Variants in TMCC3 observed in about 807,000 individuals in gnomAD.
TMCC3 encodes the protein transmembrane and coiled-coil domain family 3, also known as transmembrane and coiled-coil domain protein 3.
Under a neutral mutation model 40.2 loss-of-function variants are expected in TMCC3, and 28 were observed. That is an observed-to-expected ratio of 0.70 (90% CI 0.52 to 0.95). The LOEUF (loss-of-function observed/expected upper bound fraction) is 0.95. Ranked by LOEUF, TMCC3 falls within the 40% of genes least tolerant of loss-of-function variation. TMCC3 has a pLI of 0.00. For missense variants in TMCC3, 554 were observed against 615.2 expected (o/e 0.90, Z 1.05); for synonymous variants, 255 against 248.5 (o/e 1.03, Z -0.25).
rs372318077 is a variant in TMCC3, at chr12:94,622,355, A to ATCAGTTCC, written c.78+27990_78+27997dup. On this transcript the variant is annotated intron_variant, in intron 1 of 3. Coordinates refer to ENST00000261226, the MANE Select transcript of TMCC3 (RefSeq NM_020698.4). ...CACGATCTCACAACATACAGCTATA[A>ATCAGTTCC]TCAGTTCCACAAAGAATATGTTATA... 8.8e-3 allele frequency among the ~76,000 whole-genome samples: 1,347 copies of ATCAGTTCC among 152,296 alleles called. 22 individuals carry two copies. Among genetic ancestry groups the ATCAGTTCC allele is most frequent in the African/African-American group, 0.03 (1,233 of 41,566 alleles).
intron 1 of TMCC3, among the ~76,000 whole-genome samples, chr12:94,606,392 A>C (rs1303644569): frequency 7.0e-6 from 1 of 143,170 alleles, no homozygotes; most frequent in Non-Finnish European, 1.5e-5. Flanking sequence ...TTTTTGAGAC[A>C]ATCTCGCTCT....
chr12:94,601,784 G>A (rs1395077688), intron 1 of TMCC3, among the ~76,000 whole-genome samples: 3 of 137,254 alleles, frequency 2.2e-5, no homozygotes, highest in African/African-American at 8.3e-5. Flanking sequence ...ACTCCAGCCT[G>A]GGTGACAGAG....
At chr12:94,575,091 T>C (rs1200365168) in intron 3 of TMCC3, among the ~76,000 whole-genome samples, 1 of 152,152 alleles carries the variant, frequency 6.6e-6, no homozygotes, top group East Asian at 1.9e-4. Context: ...CATTTCTAAC[T>C]GGGAATTCAG....
intron 2 of TMCC3, among the ~76,000 whole-genome samples, chr12:94,580,649 C>T (rs936792657): frequency 1.3e-5 from 2 of 152,070 alleles, no homozygotes; most frequent in Non-Finnish European, 2.9e-5. Context: ...GCAGGAGGAT[C>T]GCTTGAAACC....
intron 1 of TMCC3, chr12:94,616,541 G>C (rs984240914): frequency 6.6e-6 from 1 of 152,376 alleles, no homozygotes; most frequent in African/African-American, 2.4e-5. Context: ...CAGGCGCAGC[G>C]AGGCGTGCTG....
chr12:94,592,314 A>G (rs2068681427), intron 1 of TMCC3, among the ~76,000 whole-genome samples: 1 of 151,966 alleles, frequency 6.6e-6, no homozygotes, highest in South Asian at 2.1e-4. Context: ...CTCTCTTGGC[A>G]TCACTGACAA....
intron 1 of TMCC3, among the ~76,000 whole-genome samples, chr12:94,600,031 A>G (rs530719488): frequency 6.6e-6 from 1 of 152,306 alleles, no homozygotes; most frequent in African/African-American, 2.4e-5. Context: ...CTCTAAAAAA[A>G]GGAGTGGTGG....
chr12:94,594,578 T>C (rs1417895605), intron 1 of TMCC3, among the ~76,000 whole-genome samples: 1 of 152,060 alleles, frequency 6.6e-6, no homozygotes, highest in Non-Finnish European at 1.5e-5. Flanking sequence ...GCAGTGTCTG[T>C]CAGTAAAACC....
chr12:94,575,176 G>A (rs2068556313), intron 3 of TMCC3, among the ~76,000 whole-genome samples: 1 of 152,108 alleles, frequency 6.6e-6, no homozygotes, highest in Non-Finnish European at 1.5e-5. Context: ...CCCTGTCTCT[G>A]GCAGCCCATT....
chr12:94,580,847 T>C (rs1216874176), intron 2 of TMCC3, among the ~76,000 whole-genome samples: 1 of 152,214 alleles, frequency 6.6e-6, no homozygotes, highest in African/African-American at 2.4e-5. Context: ...ACAGTTGTTA[T>C]GGAGGGAAAT....
In TMCC3 at chr12:94,593,409, AG is replaced by A. The variant is rs375607863; in HGVS notation, c.79-10872del. ...AAAGAAGAAAGAAGAAAGAAGAAGA[AG>A]GAAGAAGAAGAAGGAAGAAGAAGGA... On this transcript the variant is annotated intron_variant, in intron 1 of 3. Coordinates refer to ENST00000261226, the MANE Select transcript of TMCC3 (RefSeq NM_020698.4). Among the ~76,000 whole-genome samples the A allele has an allele frequency of 1.8e-4, 8 of 43,748 alleles. 1 individual carries two copies. Among genetic ancestry groups the A allele is most frequent in the South Asian group, 1.5e-3 (2 of 1,298 alleles). The allele number at this position is 43,748 out of a possible 152,430, so 28.7% of individuals were successfully genotyped here.
At chr12:94,620,739 G>C (rs1275263788) in intron 1 of TMCC3, among the ~76,000 whole-genome samples, 1 of 152,024 alleles carries the variant, frequency 6.6e-6, no homozygotes, top group African/African-American at 2.4e-5. Context: ...GGCACAAATA[G>C]AAACTGTATA....
intron 1 of TMCC3, among the ~76,000 whole-genome samples, chr12:94,586,729 C>T (rs1026501241): frequency 6.6e-6 from 1 of 152,236 alleles, no homozygotes; most frequent in African/African-American, 2.4e-5. Context: ...CATGCTCTCA[C>T]AGACCTCTCG....
chr12:94,595,051 A>T (rs905858898), intron 1 of TMCC3, among the ~76,000 whole-genome samples: 2 of 152,228 alleles, frequency 1.3e-5, no homozygotes, highest in African/African-American at 4.8e-5. Context: ...TATCTATCAG[A>T]TAACAATAAT....
intron 1 of TMCC3, among the ~76,000 whole-genome samples, chr12:94,641,025 C>T (rs140659047): frequency 0.024 from 3,708 of 152,142 alleles, 86 homozygotes; most frequent in Admixed American, 0.079. Flanking sequence ...CATGGTGAAA[C>T]CCTGTCTCTA....
intron 1 of TMCC3, among the ~76,000 whole-genome samples, chr12:94,583,970 A>G (rs868752771): frequency 7.9e-5 from 12 of 152,232 alleles, no homozygotes; most frequent in African/African-American, 2.9e-4. Context: ...TACAGTCTTA[A>G]TAGAAATCAA....
At chr12:94,594,156 C>T (rs984081545) in intron 1 of TMCC3, among the ~76,000 whole-genome samples, 4 of 151,708 alleles carry the variant, frequency 2.6e-5, no homozygotes, top group African/African-American at 9.7e-5. Flanking sequence ...TGCCCCTTAC[C>T]TCTCCAGGCC....
chr12:94,644,313 G>A, intron 1 of TMCC3: 1 of 912,640 alleles, frequency 1.1e-6, no homozygotes, highest in Non-Finnish European at 1.3e-6. Context: ...ACACAATTAA[G>A]AAACCACAGG....
chr12:94,650,260 C>T, intron 1 of TMCC3, 93 bp downstream of exon 1: 3 of 808,192 alleles, frequency 3.7e-6, no homozygotes, highest in Non-Finnish European at 4.8e-6. Context: ...GGCGAAACGC[C>T]GGGGGCGCGT....
Sources: allele counts gnomAD v4.1 joint callset (sites outside exome capture counted in the v4.1 genomes callset), GRCh38; gene constraint gnomAD v4.1.1; transcripts MANE v1.5; gene names NCBI Gene and HGNC (gene_info 2026-07-23, HGNC 2026-07-21).